The following VWDE variants were observed in gnomAD, a reference collection of about 807,000 sequenced individuals.
VWDE encodes the protein von Willebrand factor D and EGF domain-containing protein.
Under a neutral mutation model 178.4 loss-of-function variants are expected in VWDE, and 207 were observed. The observed-to-expected ratio is 1.16, with a 90% CI of 1.04 to 1.30. The LOEUF (loss-of-function observed/expected upper bound fraction) is 1.30. Among genes scored for constraint, VWDE ranks in the 50% most tolerant of loss-of-function variants. The pLI is 0.00. For missense variants in VWDE, 2,287 were observed against 1,901.3 expected (o/e 1.20, Z -3.77); for synonymous variants, 738 against 651.4 (o/e 1.13, Z -2.02).
At chr7:12,390,898 C>T (rs1784353475) in intron 2 of VWDE, among the ~76,000 whole-genome samples, 2 of 152,032 alleles carry the variant, frequency 1.3e-5, no homozygotes, top group African/African-American at 4.8e-5. Flanking sequence ...ATCAATCTTA[C>T]TAAAGACACT....
intron 15 of VWDE, 52 bp from the exon 16 acceptor site, chr7:12,359,744 A>C: frequency 8.8e-7 from 1 of 1,140,854 alleles, no homozygotes; most frequent in Non-Finnish European, 1.3e-6. Flanking sequence ...GTGTAGAAAA[A>C]AAAAAGTACA....
rs1247265864 is a variant in VWDE at position 12,344,226 on chromosome 7, A to G, written c.4047T>C (p.Leu1349=). The change falls in exon 21 of 29, where the codon CTT becomes CTC. Residue 1349 remains leucine (L), a synonymous_variant. Transcript: ENST00000275358. The part of the protein sequence containing the change: ...KCIKPNICQC[L]PGHGGATCDE... ...CACAGGTTGCTCCACCATGTCCTGGAAGACACTGACAAATGTTAGGCTTAA... is the reference window on the plus strand; with the variant it reads ...CACAGGTTGCTCCACCATGTCCTGGGAGACACTGACAAATGTTAGGCTTAA... The G allele has an allele frequency of 1.9e-6, 3 of 1,551,288 alleles. No homozygotes were observed. The highest frequency in any genetic ancestry group is 1.2e-5 in the South Asian group (1 of 84,042).
At chr7:12,381,663 C>A (rs1283871936) in intron 4 of VWDE, among the ~76,000 whole-genome samples, 1 of 151,832 alleles carries the variant, frequency 6.6e-6, no homozygotes, top group African/African-American at 2.4e-5. Context: ...AAATATTTTG[C>A]TAAGCATTTT....
At chr7:12,338,546 A>C (rs1221056397) in intron 24 of VWDE, among the ~76,000 whole-genome samples, 1 of 152,122 alleles carries the variant, frequency 6.6e-6, no homozygotes, top group East Asian at 1.9e-4. Flanking sequence ...GTAGAAATAA[A>C]TTATTTATAC....
chr7:12,371,016 C>G (rs1783170253), intron 10 of VWDE, among the ~76,000 whole-genome samples, 152 bp from the exon 11 acceptor site: 1 of 152,148 alleles, frequency 6.6e-6, no homozygotes, highest in African/African-American at 2.4e-5. Context: ...CAACTTTCCT[C>G]TTAACATTCT....
At chr7:12,403,396 C>T (rs754529100) in intron 1 of VWDE, among the ~76,000 whole-genome samples, 11 of 152,138 alleles carry the variant, frequency 7.2e-5, no homozygotes, top group Non-Finnish European at 1.6e-4. Flanking sequence ...AGGAAACAAC[C>T]AAAAACAGAA....
At chr7:12,351,743 G>C (rs1469319415) in intron 18 of VWDE, 30 bp from the exon 19 acceptor site, 2 of 1,510,702 alleles carry the variant, frequency 1.3e-6, no homozygotes, top group African/African-American at 1.4e-5. Flanking sequence ...AAACAGATTA[G>C]ACTTAAACTA....
chr7:12,373,310 T>G, intron 9 of VWDE, 63 bp from the exon 10 acceptor site: 1 of 1,490,992 alleles, frequency 6.7e-7, no homozygotes. Context: ...AGTATGTTAT[T>G]GATTTGCAAC....
intron 11 of VWDE, 51 bp from the exon 12 acceptor site, chr7:12,370,560 T>C: frequency 6.5e-7 from 1 of 1,527,238 alleles, no homozygotes; most frequent in Non-Finnish European, 8.8e-7. Context: ...TAAACATTTG[T>C]TTCCTAATAT....
intron 28 of VWDE, among the ~76,000 whole-genome samples, chr7:12,332,120 T>A (rs993974239): frequency 1.3e-5 from 2 of 152,046 alleles, no homozygotes; most frequent in Admixed American, 1.3e-4. Flanking sequence ...GATTGCTTTT[T>A]TCCCCACTAA....
chr7:12,386,015 T>C (rs141285063), intron 3 of VWDE, among the ~76,000 whole-genome samples: 1 of 152,240 alleles, frequency 6.6e-6, no homozygotes, highest in East Asian at 1.9e-4. Context: ...GTAAAAAATA[T>C]TTGTGGTGAA....
chr7:12,382,553 T>C, intron 4 of VWDE, among the ~76,000 whole-genome samples: 1 of 151,928 alleles, frequency 6.6e-6, no homozygotes, highest in East Asian at 1.9e-4. Flanking sequence ...CTTTTTAAAA[T>C]ACCAAGCATA....
intron 7 of VWDE, among the ~76,000 whole-genome samples, chr7:12,376,296 C>G (rs1783524179): frequency 6.8e-6 from 1 of 147,126 alleles, no homozygotes; most frequent in Non-Finnish European, 1.5e-5. Context: ...GAAATACACT[C>G]AGACACCAAC....
In VWDE at chr7:12,356,143, CTG is replaced by C; in HGVS notation, c.3711_3712del (p.His1237GlnfsTer5). Reference sequence around the variant, plus strand: ...CTCAGGTGGACAATCACAGGAATAACTGTGAAAACCACTAATATAGCTGCCAA... The same window carrying C: ...CTCAGGTGGACAATCACAGGAATAACTGAAAACCACTAATATAGCTGCCAA... On this transcript the variant is annotated frameshift_variant, in exon 18 of 29. Transcript: ENST00000275358. LOFTEE classifies it high-confidence loss of function. The C allele has an allele frequency of 8.4e-6, 13 of 1,551,486 alleles. No individual in the cohort carries two copies. Among genetic ancestry groups the C allele is most frequent in the South Asian group, 1.2e-5 (1 of 84,050 alleles).
chr7:12,357,246 A>G lies in VWDE; in HGVS notation c.3525+19T>C. The G allele has an allele frequency of 6.5e-7, 1 of 1,547,490 alleles. No individual in the cohort carries two copies. Among genetic ancestry groups the G allele is most frequent in the South Asian group, 1.2e-5 (1 of 83,704 alleles). ...ATTGCAAAAGAATCCAGTGGCACTT[A>G]TGTAATTATAAAGATTACCTCAATC... On this transcript the variant is annotated intron_variant, in intron 17 of 28. Transcript: ENST00000275358.
At chr7:12,399,640 A>G (rs1187097242) in intron 1 of VWDE, among the ~76,000 whole-genome samples, 1 of 152,166 alleles carries the variant, frequency 6.6e-6, no homozygotes, top group Non-Finnish European at 1.5e-5. Context: ...CACATGGAAT[A>G]TTCGCCAAAA....
rs2128547484 is a variant in VWDE, at chr7:12,344,216, C to G, written c.4057G>C (p.Gly1353Arg). Residue 1353 changes from glycine (G) to arginine (R), a missense_variant, in exon 21 of 29, where the codon GGT becomes CGT. Physicochemically the swap from Gly to Arg is moderately radical, Grantham distance 125. Transcript: ENST00000275358. ...TCACCTTCATCACAGGTTGCTCCAC[C>G]ATGTCCTGGAAGACACTGACAAATG... The part of the protein sequence containing the change: ...PNICQCLPGH[G>R]GATCDEEHCN... 6.4e-7 allele frequency: 1 copy of G among 1,550,812 alleles called. No homozygotes were observed. The highest frequency in any genetic ancestry group is 2.4e-5 in the East Asian group (1 of 40,868).
chr7:12,389,470 A>G, intron 2 of VWDE, 112 bp from the exon 3 acceptor site: 1 of 783,144 alleles, frequency 1.3e-6, no homozygotes, highest in Non-Finnish European at 2.0e-6. Context: ...TTAATCATTA[A>G]AAAAATTATG....
At chr7:12,356,459 TAC>T (rs34642611) in intron 17 of VWDE, 129 bp from the exon 18 acceptor site, 291,836 of 630,662 alleles carry the variant, frequency 0.46, 71,200 homozygotes, top group South Asian at 0.61. Flanking sequence ...TTGATATATA[TAC>T]ACACACACAC....
Sources: allele counts gnomAD v4.1 joint callset (sites outside exome capture counted in the v4.1 genomes callset), GRCh38; gene constraint gnomAD v4.1.1; transcripts MANE v1.5; gene names NCBI Gene and HGNC (gene_info 2026-07-23, HGNC 2026-07-21).